DNAJC13: variants seen among roughly 807,000 people sequenced by gnomAD.
DNAJC13 encodes DnaJ heat shock protein family (Hsp40) member C13, also known as dnaJ homolog subfamily C member 13.
A neutral mutation model predicts 290.5 loss-of-function variants in DNAJC13; 75 were observed. The observed-to-expected ratio is 0.26, with a 90% CI of 0.21 to 0.31. DNAJC13 has a LOEUF of 0.31. Ranked by LOEUF, DNAJC13 falls within the 10% of genes least tolerant of loss-of-function variation. The pLI, the probability that DNAJC13 is intolerant of heterozygous loss-of-function variation, is 1.00. For missense variants in DNAJC13, 2,260 were observed against 2,674.5 expected, an observed-to-expected ratio of 0.85 and a Z score of 3.42; for synonymous variants, 862 against 892.0, an observed-to-expected ratio of 0.97 and a Z score of 0.60.
chr3:132,482,476 T>G (rs1934712169), intron 27 of DNAJC13, 146 bp downstream of exon 27: 2 of 584,498 alleles, frequency 3.4e-6, no homozygotes, highest in Admixed American at 6.9e-5. Flanking sequence ...AGTTTCCACA[T>G]GAAAAATGGA....
chr3:132,479,334 A>T (rs766469527), intron 25 of DNAJC13, 45 bp downstream of exon 25: 1 of 1,294,548 alleles, frequency 7.7e-7, no homozygotes, highest in East Asian at 2.3e-5. Context: ...CAAGTCATAT[A>T]AGTATGTAAG....
At chr3:132,501,009 A>C (rs1251175429) in intron 39 of DNAJC13, 96 bp downstream of exon 39, 2 of 1,401,878 alleles carry the variant, frequency 1.4e-6, no homozygotes, top group Non-Finnish European at 1.9e-6. Flanking sequence ...GTTTTCCCAA[A>C]GTTATTTGTA....
chr3:132,530,968 A>T (rs370154482), intron 54 of DNAJC13, 30 bp from the exon 55 acceptor site: 2 of 1,591,020 alleles, frequency 1.3e-6, no homozygotes, highest in African/African-American at 2.7e-5. Flanking sequence ...CCTTGATTTT[A>T]TGTTCAAAGG....
chr3:132,440,770 G>C (rs888318628), intron 2 of DNAJC13, among the ~76,000 whole-genome samples: 3 of 152,184 alleles, frequency 2.0e-5, no homozygotes, highest in African/African-American at 7.2e-5. Flanking sequence ...TCTCAGAATT[G>C]ATTCCCATTG....
chr3:132,506,017 G>A (rs1935571444), intron 42 of DNAJC13, among the ~76,000 whole-genome samples: 2 of 145,234 alleles, frequency 1.4e-5, no homozygotes, highest in African/African-American at 5.0e-5. Context: ...GAGCTAGGGA[G>A]AACGGGTCTT....
intron 35 of DNAJC13, among the ~76,000 whole-genome samples, chr3:132,495,509 A>G (rs967374671): frequency 6.6e-6 from 1 of 152,188 alleles, no homozygotes; most frequent in East Asian, 1.9e-4. Flanking sequence ...TACCATTGCT[A>G]TTCAGATTGC....
chr3:132,475,177 T>G, intron 22 of DNAJC13, 92 bp downstream of exon 22: 1 of 889,846 alleles, frequency 1.1e-6, no homozygotes, highest in Non-Finnish European at 1.6e-6. Flanking sequence ...TGTAATTACA[T>G]ATCTGGTCTT....
At chr3:132,520,279 A>G (rs1576517862) in intron 48 of DNAJC13, among the ~76,000 whole-genome samples, 2 of 152,202 alleles carry the variant, frequency 1.3e-5, no homozygotes, top group African/African-American at 4.8e-5. Flanking sequence ...TTCAAACAAA[A>G]CTTTATATAC....
chr3:132,504,320 T>C (rs1935518365), intron 41 of DNAJC13, among the ~76,000 whole-genome samples: 1 of 151,882 alleles, frequency 6.6e-6, no homozygotes, highest in South Asian at 2.1e-4. Context: ...GTTTTTTTTT[T>C]TTTTTTTAAT....
At chr3:132,447,753 A>C (rs1933299034) in intron 4 of DNAJC13, 145 bp from the exon 5 acceptor site, 1 of 703,160 alleles carries the variant, frequency 1.4e-6, no homozygotes, top group Non-Finnish European at 2.4e-6. Flanking sequence ...CTTTTTATTG[A>C]ATATTCTTAA....
chr3:132,537,337 G>A, intron 55 of DNAJC13: 8 of 424,342 alleles, frequency 1.9e-5, no homozygotes, highest in South Asian at 1.1e-4. Flanking sequence ...ATGTTCCTTA[G>A]TTGTTTGCCT....
intron 32 of DNAJC13, 107 bp downstream of exon 32, chr3:132,491,158 C>A: frequency 3.1e-6 from 3 of 963,016 alleles, no homozygotes; most frequent in Non-Finnish European, 4.4e-6. Flanking sequence ...GGTTTATAAT[C>A]TAAAATGACA....
intron 42 of DNAJC13, among the ~76,000 whole-genome samples, chr3:132,506,541 C>CTTTTTTTTTTTTTTTT (rs34151394): frequency 5.5e-5 from 3 of 54,754 alleles, no homozygotes; most frequent in Non-Finnish European, 9.4e-5. Flanking sequence ...CAGTGTATTA[C>CTTTTTTTTTTTTTTTT]TTTTTTTTTT....
Position 132,494,374 on chromosome 3 carries a change from A to T in DNAJC13, c.3941+115A>T, listed in dbSNP as rs1396727043. 10 of 804,902 alleles carry T rather than the reference A, an allele frequency of 1.2e-5. No homozygotes were observed. The East Asian group carries it at 2.1e-4, about 17-fold the overall frequency. 49.9% of individuals were successfully genotyped at this position (804,902 alleles called of 1,614,324 possible). A position where few individuals can be genotyped will look rare whatever the true frequency, so the allele number is the denominator to read the frequency against. ...AAATCTTTTGCCTATACTTTGATATATACACCTTGGGAATAACCATATGGA... is the reference window on the plus strand; with the variant it reads ...AAATCTTTTGCCTATACTTTGATATTTACACCTTGGGAATAACCATATGGA... On this transcript the variant is annotated intron_variant, in intron 34 of 55. Coordinates refer to ENST00000260818, the MANE Select transcript of DNAJC13 (RefSeq NM_015268.4).
chr3:132,534,208 TGCAG>T (rs1296794762), intron 55 of DNAJC13, among the ~76,000 whole-genome samples: 8 of 152,176 alleles, frequency 5.3e-5, no homozygotes, highest in Non-Finnish European at 1.0e-4. Flanking sequence ...TACTGAAGCC[TGCAG>T]ACGTGTCCAT....
chr3:132,485,577 A>T (rs1010350827), intron 29 of DNAJC13, among the ~76,000 whole-genome samples: 1 of 152,202 alleles, frequency 6.6e-6, no homozygotes, highest in Admixed American at 6.5e-5. Flanking sequence ...AATATCTGAA[A>T]AGTGATTTAT....
chr3:132,465,351 A>T (rs967704284), intron 17 of DNAJC13, among the ~76,000 whole-genome samples: 17 of 141,280 alleles, frequency 1.2e-4, no homozygotes, highest in Non-Finnish European at 8.8e-5. Flanking sequence ...GTTTCTACTT[A>T]TGAGGAGCTT....
intron 36 of DNAJC13, among the ~76,000 whole-genome samples, chr3:132,496,945 T>G (rs1935251575): frequency 6.6e-6 from 1 of 152,202 alleles, no homozygotes; most frequent in Admixed American, 6.5e-5. Flanking sequence ...GTTTAGCCAT[T>G]TAGTAGCAAC....
chr3:132,501,626 G>A (rs564754432), intron 39 of DNAJC13, among the ~76,000 whole-genome samples: 3 of 151,914 alleles, frequency 2.0e-5, no homozygotes, highest in South Asian at 4.2e-4. Flanking sequence ...TAGAGAGTTC[G>A]GCACTGCTTG....
Sources: gnomAD v4.1 joint callset for allele counts (sites outside exome capture counted in the v4.1 genomes callset) on GRCh38, gnomAD v4.1.1 for gene constraint, MANE v1.5 for transcripts, NCBI Gene and HGNC (gene_info 2026-07-23, HGNC 2026-07-21) for gene names.